Variants in PEPD observed in about 807,000 individuals in gnomAD.
PEPD encodes the protein xaa-Pro dipeptidase.
In PEPD, 53 loss-of-function variants were observed where a neutral mutation model predicts 60.7. The observed-to-expected ratio is 0.87, with a 90% CI of 0.70 to 1.10. The LOEUF (loss-of-function observed/expected upper bound fraction) is 1.10, where lower values mean the gene tolerates loss of function less well. PEPD is among the 50% of genes least tolerant of loss of function. PEPD has a pLI of 0.00. For synonymous variants in PEPD, 267 were observed against 284.1 expected (o/e 0.94, Z 0.60); for missense variants, 711 against 711.9 (o/e 1.00, Z 0.01).
rs140829091 is a variant in PEPD, at chr19:33,389,891, G to A, written c.1152+1404C>T. Among the ~76,000 whole-genome samples the A allele has an allele frequency of 2.4e-3, 373 of 152,372 alleles. 3 individuals carry two copies. The highest frequency in any genetic ancestry group is 8.5e-3 in the African/African-American group (353 of 41,592). Reference sequence around the variant, plus strand: ...GACCTGCTGAGAACAGGGCGCAGGCGCCATAAGAGAATGGGAAGGGCTGGG... The same window carrying A: ...GACCTGCTGAGAACAGGGCGCAGGCACCATAAGAGAATGGGAAGGGCTGGG... On this transcript the variant is annotated intron_variant, in intron 13 of 14. Coordinates refer to ENST00000244137, the MANE Select transcript of PEPD (RefSeq NM_000285.4).
chr19:33,416,666 C>T (rs934204558), intron 9 of PEPD, among the ~76,000 whole-genome samples: 1 of 152,220 alleles, frequency 6.6e-6, no homozygotes, highest in African/African-American at 2.4e-5. Flanking sequence ...TAAGTCCCAG[C>T]CAACGACATC....
chr19:33,455,677 C>CT (rs1431175889), intron 9 of PEPD, among the ~76,000 whole-genome samples: 13 of 115,760 alleles, frequency 1.1e-4, no homozygotes, highest in Admixed American at 3.2e-4. Flanking sequence ...TAATTAAAAA[C>CT]ATTTTTTTTT....
intron 3 of PEPD, among the ~76,000 whole-genome samples, chr19:33,506,187 CCA>C (rs758675021): frequency 7.1e-4 from 103 of 146,066 alleles, no homozygotes; most frequent in Non-Finnish European, 1.2e-3. Flanking sequence ...ACTCACACAC[CCA>C]CACACTCTCA....
chr19:33,431,995 A>AAAAAAAAAAAAAAAAC (rs1969284361), intron 9 of PEPD, among the ~76,000 whole-genome samples: 1 of 149,484 alleles, frequency 6.7e-6, no homozygotes, highest in African/African-American at 2.5e-5. Flanking sequence ...ACCACCTCAA[A>AAAAAAAAAAAAAAAAC]AAAAAAAAAA....
chr19:33,413,988 C>T (rs1009019393), intron 9 of PEPD, among the ~76,000 whole-genome samples: 6 of 152,304 alleles, frequency 3.9e-5, no homozygotes, highest in Non-Finnish European at 5.9e-5. Flanking sequence ...TGTGGGAAGC[C>T]GGGCTGGGGC....
intron 9 of PEPD, among the ~76,000 whole-genome samples, chr19:33,420,977 G>A (rs1199992919): frequency 6.6e-6 from 1 of 152,128 alleles, no homozygotes; most frequent in Non-Finnish European, 1.5e-5. Flanking sequence ...TCTTGCGTTG[G>A]CTGCTTCCGC....
At chr19:33,506,341 C>T (rs1419566798) in intron 3 of PEPD, among the ~76,000 whole-genome samples, 1 of 143,312 alleles carries the variant, frequency 7.0e-6, no homozygotes, top group Admixed American at 7.0e-5. Flanking sequence ...CACCCACACA[C>T]AACACAGGAC....
At chr19:33,450,979 C>T (rs1169505181) in intron 9 of PEPD, among the ~76,000 whole-genome samples, 2 of 152,166 alleles carry the variant, frequency 1.3e-5, no homozygotes, top group Non-Finnish European at 2.9e-5. Flanking sequence ...AGTTACTAAC[C>T]CCTCCCTAAA....
intron 1 of PEPD, among the ~76,000 whole-genome samples, chr19:33,513,577 C>T (rs888629989): frequency 1.3e-5 from 2 of 152,306 alleles, no homozygotes; most frequent in African/African-American, 4.8e-5. Flanking sequence ...CAACTCTCAA[C>T]GGTGCTCTTG....
At chr19:33,509,355 C>T (rs1970878104) in intron 3 of PEPD, among the ~76,000 whole-genome samples, 1 of 152,378 alleles carries the variant, frequency 6.6e-6, no homozygotes, top group South Asian at 2.1e-4. Flanking sequence ...GCCAATTGTG[C>T]TCCAGGCTGA....
At chr19:33,466,895 A>C (rs892271952) in intron 7 of PEPD, among the ~76,000 whole-genome samples, 8 of 152,020 alleles carry the variant, frequency 5.3e-5, no homozygotes, top group East Asian at 1.9e-4. Context: ...CGGTGGCTCA[A>C]GCCTGTAATC....
chr19:33,484,719 T>C (rs759215620), intron 6 of PEPD, among the ~76,000 whole-genome samples: 1 of 151,732 alleles, frequency 6.6e-6, no homozygotes, highest in Non-Finnish European at 1.5e-5. Context: ...TATACACACA[T>C]ACAGGTAAAC....
intron 7 of PEPD, among the ~76,000 whole-genome samples, chr19:33,467,640 C>T (rs572465293): frequency 6.6e-6 from 1 of 152,172 alleles, no homozygotes; most frequent in African/African-American, 2.4e-5. Context: ...CAGCAATAAA[C>T]ATATGATGAA....
chr19:33,473,036 G>A lies in PEPD; in HGVS notation c.548+5010C>T, dbSNP rs529534340. On this transcript the variant is annotated intron_variant, in intron 7 of 14. Coordinates refer to ENST00000244137, the MANE Select transcript of PEPD (RefSeq NM_000285.4). ...GAAAATGATGGTTTAGCTCAGCTGC[G>A]AGCTGAGTGTGCCTGAAACCTAGCC... Among the ~76,000 whole-genome samples, 21 of 152,294 alleles carry A rather than the reference G, an allele frequency of 1.4e-4. No individual in the cohort carries two copies. The South Asian group carries it at 2.7e-3, about 20-fold the overall frequency.
chr19:33,495,727 G>A (rs529214249), intron 4 of PEPD, among the ~76,000 whole-genome samples: 248 of 152,098 alleles, frequency 1.6e-3, no homozygotes, highest in African/African-American at 5.9e-3. Flanking sequence ...GCTCATGCCT[G>A]TAATCCCAGC....
chr19:33,472,075 C>T (rs1432919001), intron 7 of PEPD, among the ~76,000 whole-genome samples: 2 of 151,428 alleles, frequency 1.3e-5, no homozygotes, highest in African/African-American at 4.9e-5. Flanking sequence ...GCAGAAGAGT[C>T]GCTTGAACCT....
At chr19:33,411,376 A>G (rs564717279) in intron 11 of PEPD, among the ~76,000 whole-genome samples, 1 of 152,258 alleles carries the variant, frequency 6.6e-6, no homozygotes, top group East Asian at 1.9e-4. Flanking sequence ...GAGGCTGGGG[A>G]TGGTTCAGGC....
At chr19:33,498,946 C>T (rs1050996635) in intron 4 of PEPD, among the ~76,000 whole-genome samples, 25 of 152,142 alleles carry the variant, frequency 1.6e-4, no homozygotes, top group South Asian at 4.1e-4. Flanking sequence ...GGTTTCACAT[C>T]GAAGAGACCT....
rs1451144161 is a variant in PEPD, at chr19:33,493,289, C to T, written c.441+1G>A. On this transcript the variant is annotated splice_donor_variant, in intron 5 of 14. Transcript: ENST00000244137. LOFTEE classifies it high-confidence loss of function. ...CCCACCCCTGGACACCAGCCACTTACCAAAGTGAGGAGGACAGAGGGCTTC... is the reference window on the plus strand; with the variant it reads ...CCCACCCCTGGACACCAGCCACTTATCAAAGTGAGGAGGACAGAGGGCTTC... 1.1e-5 allele frequency: 17 copies of T among 1,611,802 alleles called. No homozygotes were observed. The highest frequency in any genetic ancestry group is 1.7e-5 in the Admixed American group (1 of 60,002).
Sources: gnomAD v4.1 joint callset for allele counts (sites outside exome capture counted in the v4.1 genomes callset) on GRCh38, gnomAD v4.1.1 for gene constraint, MANE v1.5 for transcripts, NCBI Gene and HGNC (gene_info 2026-07-23, HGNC 2026-07-21) for gene names.